Variants in PCNX1 observed in about 807,000 individuals in gnomAD.
The protein encoded by PCNX1 is pecanex-like protein 1.
Under a neutral mutation model 242.2 loss-of-function variants are expected in PCNX1, and 78 were observed. The observed-to-expected ratio is 0.32, with a 90% confidence interval of 0.27 to 0.39. The LOEUF (loss-of-function observed/expected upper bound fraction) is 0.39, where lower values mean the gene tolerates loss of function less well. Among genes scored for constraint, PCNX1 ranks in the 10% least tolerant of loss-of-function variants. PCNX1 has a pLI of 1.00. For missense variants in PCNX1, 2,581 were observed against 2,856.5 expected (o/e 0.90, Z 2.20); for synonymous variants, 1,024 against 1,032.9 (o/e 0.99, Z 0.17).
chr14:70,946,051 T>TGGAC (rs2057444374), intron 1 of PCNX1, among the ~76,000 whole-genome samples: 1 of 152,212 alleles, frequency 6.6e-6, no homozygotes, highest in Non-Finnish European at 1.5e-5. Context: ...TGGACTCAAG[T>TGGAC]TCCCCATCAC....
intron 1 of PCNX1, among the ~76,000 whole-genome samples, chr14:70,927,314 A>G (rs910929118): frequency 6.6e-6 from 1 of 152,148 alleles, no homozygotes; most frequent in Non-Finnish European, 1.5e-5. Context: ...ATGCTCTTCT[A>G]CGTTTTTAAA....
At chr14:70,936,131 T>A (rs2056992317) in intron 1 of PCNX1, among the ~76,000 whole-genome samples, 1 of 152,082 alleles carries the variant, frequency 6.6e-6, no homozygotes, top group Non-Finnish European at 1.5e-5. Context: ...TTTATTTTTA[T>A]TTTTTATTTT....
intron 33 of PCNX1, among the ~76,000 whole-genome samples, chr14:71,106,094 A>T (rs908122153): frequency 6.6e-6 from 1 of 151,798 alleles, no homozygotes; most frequent in African/African-American, 2.4e-5. Flanking sequence ...GCTCACTGCA[A>T]GCTCTGCCTC....
intron 2 of PCNX1, among the ~76,000 whole-genome samples, chr14:70,951,501 A>C (rs1398846368): frequency 6.6e-6 from 1 of 151,944 alleles, no homozygotes; most frequent in East Asian, 1.9e-4. Context: ...CAGCCTCCCA[A>C]GTAGCTGGGA....
At chr14:71,007,903 CAT>C (rs914382896) in intron 8 of PCNX1, among the ~76,000 whole-genome samples, 3 of 151,742 alleles carry the variant, frequency 2.0e-5, no homozygotes, top group African/African-American at 7.3e-5. Context: ...CATTTTAGCT[CAT>C]TAATCCAGTT....
Position 71,115,272 on chromosome 14 carries a change from T to C in PCNX1, c.*5337T>C, listed in dbSNP as rs1183877890. ...TCTGAACAGCTTGTAAATATTGTAG[T>C]TGTTTAAAATGGAAAATAAAAGCTG... On this transcript the variant is annotated 3_prime_UTR_variant, in exon 36 of 36. Transcript: ENST00000304743. 6.6e-6 allele frequency: 1 copy of C among 152,602 alleles called. No individual in the cohort carries two copies. The highest frequency in any genetic ancestry group is 1.5e-5 in the Non-Finnish European group (1 of 68,014). 9.5% of individuals were successfully genotyped at this position (152,602 alleles called of 1,614,324 possible). A position where few individuals can be genotyped will look rare whatever the true frequency, so the allele number is the denominator to read the frequency against.
At chr14:71,081,305 A>G (rs921654852) in intron 28 of PCNX1, among the ~76,000 whole-genome samples, 1 of 152,122 alleles carries the variant, frequency 6.6e-6, no homozygotes, top group African/African-American at 2.4e-5. Context: ...ATTGATGTTC[A>G]TCATGTATAT....
chr14:70,983,430 G>A (rs1437389514), intron 6 of PCNX1, among the ~76,000 whole-genome samples: 5 of 152,008 alleles, frequency 3.3e-5, no homozygotes, highest in Admixed American at 6.5e-5. Flanking sequence ...TCAGCCTCCC[G>A]AGTAGCTGGG....
chr14:70,954,984 C>G (rs1347191448), intron 2 of PCNX1, among the ~76,000 whole-genome samples: 1 of 152,152 alleles, frequency 6.6e-6, no homozygotes, highest in African/African-American at 2.4e-5. Flanking sequence ...TATCTAGATC[C>G]TATCACTGTG....
At chr14:70,976,855 G>A in intron 5 of PCNX1, 87 bp from the exon 6 acceptor site, 2 of 1,101,166 alleles carry the variant, frequency 1.8e-6, no homozygotes, top group Admixed American at 2.1e-5. Flanking sequence ...TTGATTTACT[G>A]TATGCAGTGA....
intron 1 of PCNX1, among the ~76,000 whole-genome samples, chr14:70,911,997 C>T (rs865874581): frequency 6.6e-6 from 1 of 152,062 alleles, no homozygotes; most frequent in Non-Finnish European, 1.5e-5. Context: ...CTTTGGGAGG[C>T]CGAGGCAGGC....
At position 71,023,179 on chromosome 14, in the gene PCNX1, GTC is replaced by G; in HGVS notation, c.3151-19_3151-18del. 1.9e-6 allele frequency: 3 copies of G among 1,597,118 alleles called. No homozygotes were observed. Among genetic ancestry groups the G allele is most frequent in the Non-Finnish European group, 2.6e-6 (3 of 1,165,314 alleles). ...TAGCAAGACTTCAGGAGTGTAATTT[GTC>G]TTTCTGTTTCATTTTTAGAGTGTTC... On this transcript the variant is annotated intron_variant, in intron 12 of 35. Transcript: ENST00000304743.
chr14:70,920,344 C>G (rs2056330397), intron 1 of PCNX1, among the ~76,000 whole-genome samples: 1 of 152,144 alleles, frequency 6.6e-6, no homozygotes, highest in Admixed American at 6.6e-5. Context: ...CAGTCCAGGC[C>G]ACTGTGTTGC....
intron 2 of PCNX1, among the ~76,000 whole-genome samples, chr14:70,950,965 G>C (rs2057753682): frequency 6.6e-6 from 1 of 151,630 alleles, no homozygotes; most frequent in Non-Finnish European, 1.5e-5. Context: ...TGTTATTTCT[G>C]CTTTTGATAA....
At chr14:71,051,820 C>A (rs542214474) in intron 23 of PCNX1, 63 bp from the exon 24 acceptor site, 3 of 1,530,924 alleles carry the variant, frequency 2.0e-6, no homozygotes, top group East Asian at 2.3e-5. Context: ...TAGGTTTTTG[C>A]GAGGGTTTGT....
At chr14:71,101,831 C>T (rs1595507947) in intron 30 of PCNX1, among the ~76,000 whole-genome samples, 159 bp from the exon 31 acceptor site, 1 of 151,954 alleles carries the variant, frequency 6.6e-6, no homozygotes, top group East Asian at 1.9e-4. Context: ...ACTTCCTAAC[C>T]CAGTTATGAC....
intron 12 of PCNX1, among the ~76,000 whole-genome samples, chr14:71,022,352 AT>A (rs1487969512): frequency 6.6e-6 from 1 of 152,170 alleles, no homozygotes; most frequent in Non-Finnish European, 1.5e-5. Context: ...AAGGTGACAG[AT>A]TTTTGCAACT....
chr14:71,045,335 T>G (rs2060829476), intron 20 of PCNX1, 52 bp downstream of exon 20: 3 of 1,289,392 alleles, frequency 2.3e-6, no homozygotes, highest in African/African-American at 1.5e-5. Context: ...TTTTTCCCTT[T>G]GCTATATTGA....
intron 16 of PCNX1, chr14:71,031,656 C>T: frequency 1.5e-6 from 1 of 686,542 alleles, no homozygotes; most frequent in South Asian, 1.5e-5. Flanking sequence ...GGACGTCTCT[C>T]ACCGTCAGTA....
Sources: allele counts gnomAD v4.1 joint callset (sites outside exome capture counted in the v4.1 genomes callset), GRCh38; gene constraint gnomAD v4.1.1; transcripts MANE v1.5; gene names NCBI Gene and HGNC (gene_info 2026-07-23, HGNC 2026-07-21).